The following NEK5 variants were observed in gnomAD, a reference collection of about 807,000 sequenced individuals.
NEK5 encodes the protein serine/threonine-protein kinase Nek5.
NEK5 carries 88 observed loss-of-function variants against 109.2 expected under a neutral mutation model. The observed-to-expected ratio is 0.81, with a 90% CI of 0.68 to 0.96. The LOEUF is 0.96. Among genes scored for constraint, NEK5 ranks in the 40% least tolerant of loss-of-function variants. NEK5 has a pLI of 0.00. For synonymous variants in NEK5, 283 were observed against 299.9 expected, an observed-to-expected ratio of 0.94 and a Z score of 0.58; for missense variants, 834 against 920.7, an observed-to-expected ratio of 0.91 and a Z score of 1.22.
At chr13:52,077,854 C>T (rs1165185672) in intron 17 of NEK5, among the ~76,000 whole-genome samples, 1 of 152,140 alleles carries the variant, frequency 6.6e-6, no homozygotes, top group East Asian at 1.9e-4. Context: ...GTGGGTGGAT[C>T]ACCTCAGGTC....
At chr13:52,065,658 C>A in intron 20 of NEK5, 49 bp from the exon 21 acceptor site, 2 of 1,370,756 alleles carry the variant, frequency 1.5e-6, no homozygotes, top group Non-Finnish European at 2.1e-6. Context: ...CAAAGTGTGA[C>A]TAATTGTCCC....
intron 11 of NEK5, among the ~76,000 whole-genome samples, chr13:52,101,665 T>C (rs1339568335): frequency 6.6e-6 from 1 of 152,012 alleles, no homozygotes; most frequent in Non-Finnish European, 1.5e-5. Context: ...GCTCAACCTC[T>C]TCAAGCATCT....
At chr13:52,059,936 C>CT (rs1271745374) in intron 22 of NEK5, among the ~76,000 whole-genome samples, 1 of 151,686 alleles carries the variant, frequency 6.6e-6, no homozygotes, top group African/African-American at 2.4e-5. Context: ...CACATGTACC[C>CT]TAAAACTTAA....
intron 9 of NEK5, among the ~76,000 whole-genome samples, 172 bp downstream of exon 9, chr13:52,104,326 T>G (rs1260876913): frequency 2.0e-5 from 3 of 152,210 alleles, no homozygotes; most frequent in Non-Finnish European, 4.4e-5. Context: ...ACTTTTTACT[T>G]TATAATATTG....
chr13:52,069,214 C>T (rs1315820948), intron 20 of NEK5, among the ~76,000 whole-genome samples: 3 of 152,094 alleles, frequency 2.0e-5, no homozygotes, highest in African/African-American at 7.2e-5. Context: ...ACACAGTTGA[C>T]TGCTTTCCCT....
At chr13:52,109,771 A>C (rs1012987575) in intron 7 of NEK5, among the ~76,000 whole-genome samples, 4 of 152,174 alleles carry the variant, frequency 2.6e-5, no homozygotes, top group Non-Finnish European at 4.4e-5. Context: ...ATTGCCAATC[A>C]GAAAAGTTTT....
At chr13:52,094,775 A>G (rs1955368756) in intron 12 of NEK5, among the ~76,000 whole-genome samples, 1 of 152,242 alleles carries the variant, frequency 6.6e-6, no homozygotes, top group Admixed American at 6.5e-5. Flanking sequence ...CTCCGTCTCA[A>G]AAAAAGAAAT....
At chr13:52,105,164 A>T (rs1262401748) in intron 8 of NEK5, among the ~76,000 whole-genome samples, 1 of 152,130 alleles carries the variant, frequency 6.6e-6, no homozygotes, top group East Asian at 1.9e-4. Flanking sequence ...GAAGTCAAGG[A>T]GTCAAAGCAA....
chr13:52,043,817 G>A (rs537822279), intron 23 of NEK5, among the ~76,000 whole-genome samples: 1 of 152,306 alleles, frequency 6.6e-6, no homozygotes, highest in Admixed American at 6.5e-5. Flanking sequence ...TTGAACAACT[G>A]GAACTCTTAC....
At chr13:52,089,478 G>T (rs779869681) in intron 13 of NEK5, among the ~76,000 whole-genome samples, 165 bp from the exon 14 acceptor site, 1 of 150,588 alleles carries the variant, frequency 6.6e-6, no homozygotes, top group Non-Finnish European at 1.5e-5. Context: ...CATTGGAAAA[G>T]AAAATTTTGG....
intron 8 of NEK5, among the ~76,000 whole-genome samples, chr13:52,107,032 G>C (rs1955669353): frequency 6.6e-6 from 1 of 152,082 alleles, no homozygotes; most frequent in Admixed American, 6.6e-5. Context: ...TCTTGCAATA[G>C]ACTAAACAGT....
At position 52,036,382 on chromosome 13, in the gene NEK5, CTG is replaced by C. The variant is rs1177338619; in HGVS notation, c.*564_*565del. 1.3e-5 allele frequency: 2 copies of C among 152,336 alleles called. No homozygotes were observed. The highest frequency in any genetic ancestry group is 1.9e-4 in the East Asian group (1 of 5,186). 9.4% of individuals were successfully genotyped at this position (152,336 alleles called of 1,614,324 possible). On this transcript the variant is annotated 3_prime_UTR_variant, in exon 24 of 24. Coordinates refer to ENST00000684899, the MANE Select transcript of NEK5 (RefSeq NM_001365552.1). The stretch of plus-strand genomic sequence containing the variant: ...AATTCTCCTTTGCCATATTTGCAAA[CTG>C]TGGGGATTAGGATGGGACATGTTTT...
At chr13:52,072,123 G>A in intron 19 of NEK5, 53 bp from the exon 20 acceptor site, 1 of 1,474,972 alleles carries the variant, frequency 6.8e-7, no homozygotes, top group Admixed American at 2.1e-5. Flanking sequence ...TTGAAAGAAA[G>A]AAAAACCATA....
chr13:52,096,331 A>G (rs73184361), intron 12 of NEK5, among the ~76,000 whole-genome samples: 2,103 of 152,026 alleles, frequency 0.014, 20 homozygotes, highest in Middle Eastern at 0.021. Context: ...AGGGCTCAGA[A>G]GAAGATAGGA....
At chr13:52,079,489 A>G (rs962372121) in intron 17 of NEK5, among the ~76,000 whole-genome samples, 3 of 152,116 alleles carry the variant, frequency 2.0e-5, no homozygotes, top group Non-Finnish European at 2.9e-5. Context: ...TTTGGTGGAG[A>G]CGGGGTTTCG....
intron 23 of NEK5, among the ~76,000 whole-genome samples, chr13:52,039,106 GT>G (rs2140877815): frequency 6.6e-6 from 1 of 152,278 alleles, no homozygotes; most frequent in South Asian, 2.1e-4. Context: ...AAGAGGGACA[GT>G]TTTTCCTAAG....
chr13:52,098,664 G>T (rs1955468802), intron 12 of NEK5, among the ~76,000 whole-genome samples: 1 of 152,086 alleles, frequency 6.6e-6, no homozygotes. Context: ...AATATTAAAT[G>T]CAGAGTGTTT....
chr13:52,089,105 C>CAACAACAACAAA, intron 14 of NEK5, 142 bp downstream of exon 14: 2 of 605,400 alleles, frequency 3.3e-6, no homozygotes, highest in South Asian at 2.1e-5. Context: ...ACAACAACAA[C>CAACAACAACAAA]AAAAACAAAA....
intron 23 of NEK5, among the ~76,000 whole-genome samples, chr13:52,045,622 G>A (rs1459052997): frequency 3.4e-5 from 5 of 149,212 alleles, no homozygotes; most frequent in Admixed American, 6.7e-5. Flanking sequence ...AAAATTAGCC[G>A]GGCGTGGTGG....
Sources: gnomAD v4.1 joint callset for allele counts (sites outside exome capture counted in the v4.1 genomes callset) on GRCh38, gnomAD v4.1.1 for gene constraint, MANE v1.5 for transcripts, NCBI Gene and HGNC (gene_info 2026-07-23, HGNC 2026-07-21) for gene names.